SRPK2: variants seen among roughly 807,000 people sequenced by gnomAD.
SRPK2 encodes the protein SRSF protein kinase 2, also known as SFRS protein kinase 2.
A neutral mutation model predicts 90.8 loss-of-function variants in SRPK2; 21 were observed. The observed-to-expected ratio is 0.23, with a 90% CI of 0.16 to 0.33. SRPK2 has a LOEUF of 0.33. Ranked by LOEUF, SRPK2 falls within the 10% of genes least tolerant of loss-of-function variation. The probability of loss-of-function intolerance (pLI) is 1.00; values close to 1 mark genes in which losing one functional copy is unlikely to be tolerated. For missense variants in SRPK2, 620 were observed against 869.0 expected, an observed-to-expected ratio of 0.71 and a Z score of 3.60; for synonymous variants, 288 against 311.1, an observed-to-expected ratio of 0.93 and a Z score of 0.78.
intron 2 of SRPK2, among the ~76,000 whole-genome samples, chr7:105,271,816 A>G (rs1303452763): frequency 6.6e-6 from 1 of 152,144 alleles, no homozygotes; most frequent in African/African-American, 2.4e-5. Context: ...ATTTTATTCA[A>G]TTACTTCCAG....
intron 3 of SRPK2, among the ~76,000 whole-genome samples, chr7:105,182,054 C>A (rs569845952): frequency 6.6e-6 from 1 of 151,388 alleles, no homozygotes; most frequent in East Asian, 1.9e-4. Context: ...CATGATGAAA[C>A]CCCAACTCTA....
chr7:105,168,116 A>G, intron 4 of SRPK2, 21 bp from the exon 5 acceptor site: 1 of 1,571,026 alleles, frequency 6.4e-7, no homozygotes, highest in Non-Finnish European at 8.7e-7. Context: ...AAACAAAAAA[A>G]GAGTCTATTT....
chr7:105,308,750 T>C (rs1811397701), intron 2 of SRPK2, among the ~76,000 whole-genome samples: 3 of 152,290 alleles, frequency 2.0e-5, no homozygotes, highest in Admixed American at 1.3e-4. Context: ...TCAATCTACA[T>C]AGTAGCTTAT....
intron 2 of SRPK2, chr7:105,297,401 T>C: frequency 1.1e-6 from 1 of 934,160 alleles, no homozygotes; most frequent in Non-Finnish European, 1.3e-6. Flanking sequence ...GTTTTCACTA[T>C]AAATTGTACT....
At chr7:105,380,883 T>A (rs946088839) in intron 2 of SRPK2, among the ~76,000 whole-genome samples, 2 of 147,606 alleles carry the variant, frequency 1.4e-5, no homozygotes, top group African/African-American at 5.0e-5. Context: ...GCTTCTTAAA[T>A]CTTCTGTATT....
chr7:105,274,510 C>T (rs1005178322), intron 2 of SRPK2, among the ~76,000 whole-genome samples: 3 of 151,138 alleles, frequency 2.0e-5, no homozygotes, highest in Admixed American at 2.0e-4. Context: ...TGCAGTGAGC[C>T]GAGATCACAC....
At chr7:105,164,412 T>C (rs1008797415) in intron 6 of SRPK2, among the ~76,000 whole-genome samples, 3 of 152,230 alleles carry the variant, frequency 2.0e-5, no homozygotes, top group African/African-American at 7.2e-5. Context: ...GGAAACTCAT[T>C]AGACATCCAC....
At chr7:105,285,169 T>G (rs1807898252) in intron 2 of SRPK2, among the ~76,000 whole-genome samples, 1 of 152,156 alleles carries the variant, frequency 6.6e-6, no homozygotes, top group Admixed American at 6.6e-5. Flanking sequence ...GAGGATTGCT[T>G]GAGCCCAGGA....
intron 13 of SRPK2, among the ~76,000 whole-genome samples, chr7:105,127,606 T>C (rs778671785): frequency 6.6e-6 from 1 of 152,204 alleles, no homozygotes; most frequent in Non-Finnish European, 1.5e-5. Flanking sequence ...AAAAAGACCC[T>C]CTTTGTCCCC....
intron 2 of SRPK2, among the ~76,000 whole-genome samples, chr7:105,387,919 G>T (rs1416162449): frequency 6.6e-6 from 1 of 152,192 alleles, no homozygotes; most frequent in African/African-American, 2.4e-5. Flanking sequence ...CGCCACGGGC[G>T]CGTTTTCCAC....
intron 6 of SRPK2, among the ~76,000 whole-genome samples, chr7:105,163,589 A>G (rs1039775566): frequency 6.6e-6 from 1 of 152,062 alleles, no homozygotes; most frequent in Non-Finnish European, 1.5e-5. Flanking sequence ...GAGGTCGGGA[A>G]TTCGAGACCA....
chr7:105,182,925 GA>G (rs549221823), intron 3 of SRPK2, among the ~76,000 whole-genome samples: 290 of 150,872 alleles, frequency 1.9e-3, no homozygotes, highest in Middle Eastern at 3.4e-3. Context: ...CTGTATAGGG[GA>G]AAAAAAAATC....
chr7:105,166,702 G>GA (rs1419164393), intron 6 of SRPK2, among the ~76,000 whole-genome samples: 1 of 152,142 alleles, frequency 6.6e-6, no homozygotes, highest in Non-Finnish European at 1.5e-5. Context: ...AAGGAGTATA[G>GA]AAAATGCAGA....
rs551253691 is a variant in SRPK2 at position 105,142,880 on chromosome 7, T to G, written c.1060+204A>C. Among the ~76,000 whole-genome samples the G allele has an allele frequency of 2.0e-5, 3 of 152,374 alleles. No individual in the cohort carries two copies. In the East Asian group the frequency reaches 5.8e-4, roughly 29 times the overall value. On this transcript the variant is annotated intron_variant, in intron 10 of 15. Coordinates refer to ENST00000393651, the MANE Select transcript of SRPK2 (RefSeq NM_182692.3). ...TCAATTATTTTACATTTTTAAAAAC[T>G]ATTTTGAAATGTTAACATATTTCTG...
intron 2 of SRPK2, among the ~76,000 whole-genome samples, chr7:105,238,576 T>G (rs560005098): frequency 7.9e-5 from 12 of 152,336 alleles, no homozygotes; most frequent in Non-Finnish European, 1.8e-4. Flanking sequence ...TGCCCACAGC[T>G]GCTGCCTCTC....
chr7:105,122,510 C>T (rs756169865), intron 15 of SRPK2, among the ~76,000 whole-genome samples: 2 of 152,104 alleles, frequency 1.3e-5, no homozygotes, highest in African/African-American at 2.4e-5. Flanking sequence ...CAAATGCCCA[C>T]GAAAGAGCTT....
chr7:105,170,855 GAAAGA>G (rs1563025205), intron 3 of SRPK2, among the ~76,000 whole-genome samples: 8 of 36,424 alleles, frequency 2.2e-4, no homozygotes, highest in African/African-American at 6.1e-4. Context: ...AAGAAAGAAA[GAAAGA>G]AAGAAAGAAA....
chr7:105,181,826 GT>G (rs1563047464), intron 3 of SRPK2, among the ~76,000 whole-genome samples: 4 of 143,014 alleles, frequency 2.8e-5, no homozygotes, highest in Admixed American at 7.3e-5. Flanking sequence ...GTGACACACA[GT>G]TTACCTACAT....
Position 105,292,497 on chromosome 7 carries a change from C to CAAAAAAAAA in SRPK2, c.72-88721_72-88713dup, listed in dbSNP as rs397889533. 5.9e-4 allele frequency among the ~76,000 whole-genome samples: 44 copies of CAAAAAAAAA among 74,772 alleles called. 7 individuals are homozygous for CAAAAAAAAA. The highest frequency in any genetic ancestry group is 6.4e-4 in the Non-Finnish European group (25 of 39,162). The allele number at this position is 74,772 out of a possible 152,430, so 49.1% of individuals were successfully genotyped here. On this transcript the variant is annotated intron_variant, in intron 2 of 15. Coordinates refer to ENST00000393651, the MANE Select transcript of SRPK2 (RefSeq NM_182692.3). ...AGCCTGGGCGATAGAGTAAGACTCTCAAAAAAAAAAAAAAAAAAAAAAAAA... is the reference window on the plus strand; with the variant it reads ...AGCCTGGGCGATAGAGTAAGACTCTCAAAAAAAAAAAAAAAAAAAAAAAAAAAAAAAAAA...
Sources: allele counts gnomAD v4.1 joint callset (sites outside exome capture counted in the v4.1 genomes callset), GRCh38; gene constraint gnomAD v4.1.1; transcripts MANE v1.5; gene names NCBI Gene and HGNC (gene_info 2026-07-23, HGNC 2026-07-21).